The following STARD13 variants were observed in gnomAD, a reference collection of about 807,000 sequenced individuals.
STARD13 encodes stAR-related lipid transfer protein 13.
In STARD13, 62 loss-of-function variants were observed where a neutral mutation model predicts 106.4. The observed-to-expected ratio is 0.58, with a 90% CI of 0.48 to 0.72. The LOEUF is 0.72. STARD13 is among the 30% of genes least tolerant of loss of function. The pLI is 0.00. For synonymous variants in STARD13, 565 were observed against 553.0 expected (o/e 1.02, Z -0.31); for missense variants, 1,387 against 1,424.0 (o/e 0.97, Z 0.42).
chr13:33,135,069 C>T (rs1343894014), intron 4 of STARD13, among the ~76,000 whole-genome samples: 3 of 152,190 alleles, frequency 2.0e-5, no homozygotes, highest in Non-Finnish European at 4.4e-5. Context: ...TCTTTCTAAG[C>T]GCTCCACATT....
chr13:33,247,199 ATAAATAAATAAATAAATAAAT>A (rs1889867122), intron 1 of STARD13, among the ~76,000 whole-genome samples: 1 of 143,886 alleles, frequency 6.9e-6, no homozygotes, highest in Non-Finnish European at 1.5e-5. Context: ...TCTGTCTCGG[ATAAATAAATAAATAAATAAAT>A]TAAATAAATA....
chr13:33,429,955 T>C, the STARD13 span, among the ~76,000 whole-genome samples: 1 of 151,534 alleles, frequency 6.6e-6, no homozygotes, highest in Non-Finnish European at 1.5e-5. Context: ...TCTCGCTCTG[T>C]TGCCCAGGCT....
the STARD13 span, among the ~76,000 whole-genome samples, chr13:33,507,240 C>G: frequency 6.6e-6 from 1 of 152,066 alleles, no homozygotes; most frequent in Non-Finnish European, 1.5e-5. Flanking sequence ...TCAGATATTA[C>G]AGAAATTTGC....
the STARD13 span, among the ~76,000 whole-genome samples, chr13:33,406,899 C>G: frequency 2.0e-5 from 3 of 152,170 alleles, no homozygotes; most frequent in Admixed American, 2.0e-4. Context: ...ACTGTAAAAG[C>G]ATACCGAGTG....
chr13:33,622,490 C>T, the STARD13 span, among the ~76,000 whole-genome samples: 4 of 151,460 alleles, frequency 2.6e-5, no homozygotes, highest in Non-Finnish European at 4.4e-5. Flanking sequence ...ATACAAAAAA[C>T]TAGTCGGGCG....
chr13:33,214,230 A>T lies in STARD13; in HGVS notation c.170-46608T>A, dbSNP rs1276750201. Among the ~76,000 whole-genome samples the T allele has an allele frequency of 3.9e-5, 6 of 152,316 alleles. No homozygotes were observed. In the East Asian group the frequency reaches 9.6e-4, roughly 24 times the overall value. On this transcript the variant is annotated intron_variant, in intron 1 of 13. Coordinates refer to ENST00000336934, the MANE Select transcript of STARD13 (RefSeq NM_178006.4). Reference sequence around the variant, plus strand: ...TTTAAACCTCACAAACAAAAAGCACATTCTTCATTTTTTGGTTTTATATCT... The same window carrying T: ...TTTAAACCTCACAAACAAAAAGCACTTTCTTCATTTTTTGGTTTTATATCT...
At chr13:33,490,938 C>T in the STARD13 span, among the ~76,000 whole-genome samples, 1 of 152,210 alleles carries the variant, frequency 6.6e-6, no homozygotes, top group African/African-American at 2.4e-5. Context: ...TCTGCACCTG[C>T]CCATCTGCAT....
the STARD13 span, among the ~76,000 whole-genome samples, chr13:33,638,543 G>A: frequency 6.6e-6 from 1 of 152,310 alleles, no homozygotes; most frequent in South Asian, 2.1e-4. Flanking sequence ...ATAAGGGATT[G>A]TAGAGACCAA....
the STARD13 span, among the ~76,000 whole-genome samples, chr13:33,540,031 TAAAACTA>T: frequency 6.6e-6 from 1 of 152,226 alleles, no homozygotes; most frequent in African/African-American, 2.4e-5. Context: ...ACTTAATGGC[TAAAACTA>T]AAAACTAAAA....
chr13:33,442,936 C>T, the STARD13 span, among the ~76,000 whole-genome samples: 1 of 152,022 alleles, frequency 6.6e-6, no homozygotes, highest in Non-Finnish European at 1.5e-5. Context: ...TCACAGGATG[C>T]CAGGGGCCAG....
chr13:33,600,367 G>A, the STARD13 span, among the ~76,000 whole-genome samples: 15 of 152,284 alleles, frequency 9.9e-5, no homozygotes, highest in African/African-American at 3.1e-4. Context: ...AATATAGCCC[G>A]TGTAAAATGG....
At chr13:33,208,088 T>TA (rs144327317) in intron 1 of STARD13, among the ~76,000 whole-genome samples, 25,892 of 152,092 alleles carry the variant, frequency 0.17, 2,645 homozygotes, top group African/African-American at 0.27. Context: ...TAAATCCTTT[T>TA]AAAAAACCTC....
At chr13:33,641,532 C>A in the STARD13 span, among the ~76,000 whole-genome samples, 1 of 152,080 alleles carries the variant, frequency 6.6e-6, no homozygotes, top group African/African-American at 2.4e-5. Flanking sequence ...CTATGGCTAG[C>A]TTTGGGAAAG....
chr13:33,668,966 G>A, the STARD13 span, among the ~76,000 whole-genome samples: 2 of 152,188 alleles, frequency 1.3e-5, no homozygotes, highest in African/African-American at 4.8e-5. Context: ...AACCCTGACA[G>A]GTAATACTAA....
the STARD13 span, among the ~76,000 whole-genome samples, chr13:33,472,924 A>G: frequency 6.6e-6 from 1 of 152,136 alleles, no homozygotes; most frequent in Non-Finnish European, 1.5e-5. Context: ...AGACTAATTT[A>G]CCCTCCCCTC....
chr13:33,277,068 A>C (rs1891480328), intron 1 of STARD13, among the ~76,000 whole-genome samples: 1 of 139,094 alleles, frequency 7.2e-6, no homozygotes, highest in African/African-American at 2.7e-5. Flanking sequence ...AAAGAGAGAG[A>C]ATTCATGTCT....
At chr13:33,139,472 C>G (rs1879520385) in intron 4 of STARD13, among the ~76,000 whole-genome samples, 2 of 152,140 alleles carry the variant, frequency 1.3e-5, no homozygotes, top group Admixed American at 6.5e-5. Context: ...TCCGGCAGTC[C>G]CAAGGCACAA....
the STARD13 span, among the ~76,000 whole-genome samples, chr13:33,669,513 G>A: frequency 6.8e-6 from 1 of 147,688 alleles, no homozygotes; most frequent in African/African-American, 2.5e-5. Flanking sequence ...TAACTGCTAT[G>A]ATAAGAAGAG....
At chr13:33,438,606 C>A in the STARD13 span, among the ~76,000 whole-genome samples, 1 of 152,088 alleles carries the variant, frequency 6.6e-6, no homozygotes, top group South Asian at 2.1e-4. Flanking sequence ...CTGATAGGTT[C>A]GGCACACTCA....
Sources: allele counts gnomAD v4.1 joint callset (sites outside exome capture counted in the v4.1 genomes callset), GRCh38; gene constraint gnomAD v4.1.1; transcripts MANE v1.5; gene names NCBI Gene and HGNC (gene_info 2026-07-23, HGNC 2026-07-21).